Variants in CSMD2 observed in about 807,000 individuals in gnomAD.
CSMD2 encodes CUB and Sushi multiple domains 2.
CSMD2 carries 130 observed loss-of-function variants against 398.5 expected under a neutral mutation model. The ratio of observed to expected loss-of-function variants is 0.33; its 90% CI spans 0.28 to 0.38. CSMD2 has a LOEUF of 0.38. Ranked by LOEUF, CSMD2 falls within the 10% of genes least tolerant of loss-of-function variation. The probability of loss-of-function intolerance (pLI) is 1.00; values close to 1 mark genes in which losing one functional copy is unlikely to be tolerated. For missense variants in CSMD2, 3,829 were observed against 4,764.9 expected, an observed-to-expected ratio of 0.80 and a Z score of 5.78; for synonymous variants, 1,828 against 1,908.5, an observed-to-expected ratio of 0.96 and a Z score of 1.10.
intron 6 of CSMD2, among the ~76,000 whole-genome samples, chr1:33,832,472 AC>A (rs1373850418): frequency 6.9e-6 from 1 of 145,154 alleles, no homozygotes; most frequent in Non-Finnish European, 1.5e-5. Flanking sequence ...GACACAACAT[AC>A]CAGAATCTCT....
rs1389643022 is a variant in CSMD2, at chr1:33,560,144, G to C, written c.8381-671C>G. Reference sequence around the variant, plus strand: ...ATGTTCTCGGCTGCTCTCAGCTGTTGAGGAGGGAGGCTATCCCCAACATTG... The same window carrying C: ...ATGTTCTCGGCTGCTCTCAGCTGTTCAGGAGGGAGGCTATCCCCAACATTG... On this transcript the variant is annotated intron_variant, in intron 53 of 70. Coordinates refer to ENST00000373381, the MANE Select transcript of CSMD2 (RefSeq NM_001281956.2). 2.6e-5 allele frequency among the ~76,000 whole-genome samples: 4 copies of C among 152,274 alleles called. 1 individual carries two copies. The highest frequency in any genetic ancestry group is 9.6e-5 in the African/African-American group (4 of 41,542).
chr1:33,692,968 G>T lies in CSMD2; in HGVS notation c.4014C>A (p.Cys1338Ter). The T allele has an allele frequency of 1.2e-6, 2 of 1,607,998 alleles. No homozygotes were observed. Among genetic ancestry groups the T allele is most frequent in the Non-Finnish European group, 1.7e-6 (2 of 1,177,422 alleles). ...CGGCCTCTGCTTCGATGGTCCAGAT[G>T]CAGTTGAGATTGTGTTCATAGGGAG... ...YPAPYEHNLN[C>*]IWTIEAEAGC... is the part of the protein sequence containing the mutation. Residue 1338 changes from cysteine to a stop codon, truncating the protein, a stop_gained, in exon 25 of 71, where the codon TGC becomes TGA. Transcript: ENST00000373381. LOFTEE classifies it high-confidence loss of function.
chr1:34,050,634 A>G (rs1304936872), intron 2 of CSMD2, among the ~76,000 whole-genome samples: 1 of 152,218 alleles, frequency 6.6e-6, no homozygotes, highest in Non-Finnish European at 1.5e-5. Flanking sequence ...CTGAATCAGC[A>G]TGCATATATA....
intron 7 of CSMD2, among the ~76,000 whole-genome samples, chr1:33,820,947 C>T (rs1658073044): frequency 6.6e-6 from 1 of 152,068 alleles, no homozygotes; most frequent in African/African-American, 2.4e-5. Context: ...TGAAATGAGC[C>T]CCCCACCTCA....
At chr1:33,768,531 CGTGCATGT>C (rs1557864370) in intron 13 of CSMD2, among the ~76,000 whole-genome samples, 1 of 125,576 alleles carries the variant, frequency 8.0e-6, no homozygotes, top group African/African-American at 3.1e-5. Context: ...GGAATGTGTG[CGTGCATGT>C]GTGTGTGTGT....
chr1:33,549,009 G>T (rs1160651890), intron 56 of CSMD2, among the ~76,000 whole-genome samples: 1 of 152,192 alleles, frequency 6.6e-6, no homozygotes, highest in Non-Finnish European at 1.5e-5. Context: ...AGTCCTGGGT[G>T]GTCATATAGA....
At chr1:33,931,951 C>T (rs558566718) in intron 4 of CSMD2, among the ~76,000 whole-genome samples, 13 of 152,188 alleles carry the variant, frequency 8.5e-5, no homozygotes, top group Admixed American at 7.2e-4. Flanking sequence ...AAGTGAGAGA[C>T]GAGAGAGCCT....
chr1:33,679,908 C>G (rs1420211440), intron 25 of CSMD2, among the ~76,000 whole-genome samples: 1 of 142,862 alleles, frequency 7.0e-6, no homozygotes, highest in Admixed American at 7.2e-5. Context: ...GTTATTTAAC[C>G]TTGAATTTTA....
intron 1 of CSMD2, among the ~76,000 whole-genome samples, chr1:34,153,299 G>T (rs1174391708): frequency 1.3e-5 from 2 of 152,230 alleles, no homozygotes; most frequent in Non-Finnish European, 2.9e-5. Context: ...TTATAGGTGT[G>T]AGCCAGCGCA....
chr1:33,533,168 G>C lies in CSMD2; in HGVS notation c.10053C>G (p.Pro3351=). ...AGTAGATGAGCGTGTAGCCCATGGA[G>C]GGCAAATCCAGGGCCCCGACGTTGG... is the stretch of plus-strand genomic sequence containing the variant. ...THANVGALDL[P]SMGYTLIYSC... Residue 3351 remains proline, a synonymous_variant, in exon 64 of 71, where the codon CCC becomes CCG. Transcript: ENST00000373381. This position sits in a 1 kb window ranked among gnomAD's most constrained non-coding sequence, Gnocchi z 4.2. 1 of 1,614,102 alleles carries C rather than the reference G, an allele frequency of 6.2e-7. No individual in the cohort carries two copies. Among genetic ancestry groups the C allele is most frequent in the Non-Finnish European group, 8.5e-7 (1 of 1,180,012 alleles).
Position 34,163,364 on chromosome 1 carries a change from G to C in CSMD2, c.187+1547C>G, listed in dbSNP as rs1047208950. Among the ~76,000 whole-genome samples the C allele has an allele frequency of 2.0e-5, 3 of 152,198 alleles. No homozygotes were observed. The highest frequency in any genetic ancestry group is 4.4e-5 in the Non-Finnish European group (3 of 68,042). The stretch of plus-strand genomic sequence containing the variant: ...CCGCGGGCGCCCCTCTCTGGGTGTC[G>C]GTGGCTATGACTCTTAGCAGAACCT... On this transcript the variant is annotated intron_variant, in intron 1 of 70. Coordinates refer to ENST00000373381, the MANE Select transcript of CSMD2 (RefSeq NM_001281956.2). This position sits in a 1 kb window ranked among gnomAD's most constrained non-coding sequence, Gnocchi z 5.4.
intron 1 of CSMD2, among the ~76,000 whole-genome samples, chr1:34,124,737 G>C (rs1662564850): frequency 6.6e-6 from 1 of 152,178 alleles, no homozygotes; most frequent in Non-Finnish European, 1.5e-5. Context: ...CAACAGAACT[G>C]TCAAAAGCAG....
chr1:33,625,387 A>T (rs1642051619), intron 33 of CSMD2, 133 bp from the exon 34 acceptor site: 1 of 768,220 alleles, frequency 1.3e-6, no homozygotes, highest in Non-Finnish European at 2.1e-6. Context: ...CCCGTAGGGA[A>T]GGGCTCGAGG....
intron 3 of CSMD2, among the ~76,000 whole-genome samples, chr1:33,945,049 A>G (rs1168819601): frequency 3.3e-5 from 5 of 151,996 alleles, no homozygotes; most frequent in Admixed American, 6.5e-5. Context: ...GACATCCATC[A>G]TTGCACCAGA....
chr1:33,777,220 G>T (rs1290350935), intron 12 of CSMD2, among the ~76,000 whole-genome samples: 2 of 150,316 alleles, frequency 1.3e-5, no homozygotes, highest in African/African-American at 2.4e-5. Flanking sequence ...CGGGAACTCA[G>T]ATTCAAGGAA....
chr1:33,654,454 C>G (rs1007035181), intron 27 of CSMD2, among the ~76,000 whole-genome samples: 1 of 152,158 alleles, frequency 6.6e-6, no homozygotes, highest in Non-Finnish European at 1.5e-5. Context: ...GCGTGCTTCT[C>G]CCCGCTGGCC....
At chr1:34,043,230 G>C (rs115471376) in intron 2 of CSMD2, among the ~76,000 whole-genome samples, 1,899 of 152,218 alleles carry the variant, frequency 0.012, 42 homozygotes, top group African/African-American at 0.044. Flanking sequence ...TACTGTCCTT[G>C]AAGGTGCCAC....
intron 13 of CSMD2, among the ~76,000 whole-genome samples, chr1:33,748,255 G>A (rs555418417): frequency 6.6e-6 from 1 of 152,186 alleles, no homozygotes; most frequent in Admixed American, 6.5e-5. Flanking sequence ...TTCTGTAAGA[G>A]AATAGGAAGA....
intron 5 of CSMD2, among the ~76,000 whole-genome samples, chr1:33,907,039 C>T (rs899487701): frequency 6.6e-6 from 1 of 151,636 alleles, no homozygotes; most frequent in African/African-American, 2.4e-5. Context: ...ACCTGAAAAA[C>T]GCCTTCTGGC....
Sources: allele counts gnomAD v4.1 joint callset (sites outside exome capture counted in the v4.1 genomes callset), GRCh38; gene constraint gnomAD v4.1.1; non-coding constraint Gnocchi (gnomAD v3.1); transcripts MANE v1.5; gene names NCBI Gene and HGNC (gene_info 2026-07-23, HGNC 2026-07-21).